PLXNC1: variants seen among roughly 807,000 people sequenced by gnomAD.
The protein encoded by PLXNC1 is plexin-C1.
PLXNC1 carries 75 observed loss-of-function variants against 178.2 expected under a neutral mutation model. That is an observed-to-expected ratio of 0.42 (90% CI 0.35 to 0.51). The LOEUF (loss-of-function observed/expected upper bound fraction) is 0.51. PLXNC1 is among the 20% of genes least tolerant of loss of function. The pLI, the probability that PLXNC1 is intolerant of heterozygous loss-of-function variation, is 0.02. For missense variants in PLXNC1, 1,503 were observed against 1,984.4 expected, an observed-to-expected ratio of 0.76 and a Z score of 4.61; for synonymous variants, 790 against 779.9, an observed-to-expected ratio of 1.01 and a Z score of -0.22.
Position 94,247,969 on chromosome 12 carries a change from C to T in PLXNC1, c.2455C>T (p.Arg819Cys), listed in dbSNP as rs773924211. Residue 819 changes from arginine (R) to cysteine (C), a missense_variant, in exon 13 of 31, where the codon CGC becomes TGC. Transcript: ENST00000258526. The part of the protein sequence containing the change: ...LAPSLKSSKV[R>C]TNVTVKLRVQ... Reference sequence around the variant, plus strand: ...CCCCAGTTTAAAGAGTTCAAAAGTGCGCACGAATGTCACTGTGAAGCTGAG... The same window carrying T: ...CCCCAGTTTAAAGAGTTCAAAAGTGTGCACGAATGTCACTGTGAAGCTGAG... 9.6e-5 allele frequency: 155 copies of T among 1,613,974 alleles called. No individual in the cohort carries two copies. Among genetic ancestry groups the T allele is most frequent in the Non-Finnish European group, 1.3e-4 (151 of 1,179,968 alleles).
intron 21 of PLXNC1, among the ~76,000 whole-genome samples, chr12:94,273,933 T>G (rs1297967453): frequency 1.3e-5 from 2 of 152,144 alleles, no homozygotes; most frequent in East Asian, 3.9e-4. Flanking sequence ...GTGTCAGAGC[T>G]CTGCGTCACC....
intron 2 of PLXNC1, among the ~76,000 whole-genome samples, chr12:94,174,124 C>T (rs1961958424): frequency 6.6e-6 from 1 of 152,208 alleles, no homozygotes; most frequent in Non-Finnish European, 1.5e-5. Flanking sequence ...TTCCTATGTG[C>T]TTGGGCTCAG....
intron 9 of PLXNC1, among the ~76,000 whole-genome samples, chr12:94,228,402 GTTTT>G (rs869126712): frequency 8.5e-5 from 12 of 141,490 alleles, no homozygotes; most frequent in Admixed American, 1.4e-4. Context: ...TTGTTTGTTT[GTTTT>G]TTCGTTTTGA....
chr12:94,183,848 T>A (rs147635420), intron 3 of PLXNC1, among the ~76,000 whole-genome samples: 2 of 152,316 alleles, frequency 1.3e-5, no homozygotes, highest in East Asian at 3.9e-4. Context: ...TGGTTAGCCC[T>A]GCATTCTTCA....
At chr12:94,203,823 TG>T (rs1565808259) in intron 4 of PLXNC1, among the ~76,000 whole-genome samples, 1 of 152,352 alleles carries the variant, frequency 6.6e-6, no homozygotes, top group East Asian at 1.9e-4. Flanking sequence ...AAGCGTGTGT[TG>T]GGAATTTAAT....
chr12:94,242,863 C>G (rs139518669), intron 11 of PLXNC1, among the ~76,000 whole-genome samples: 12 of 152,296 alleles, frequency 7.9e-5, no homozygotes, highest in African/African-American at 2.9e-4. Flanking sequence ...AGGGTTCAAA[C>G]AACTCACCCC....
intron 4 of PLXNC1, among the ~76,000 whole-genome samples, chr12:94,204,691 C>A (rs1014544903): frequency 1.3e-5 from 2 of 152,118 alleles, no homozygotes; most frequent in Non-Finnish European, 2.9e-5. Flanking sequence ...GAAAGTCCCC[C>A]GATTCTGGAG....
intron 2 of PLXNC1, among the ~76,000 whole-genome samples, chr12:94,178,120 T>G (rs561883282): frequency 3.2e-4 from 48 of 152,344 alleles, no homozygotes; most frequent in African/African-American, 1.2e-3. Context: ...GTTGTTCTAT[T>G]ATCTAGAGCA....
intron 4 of PLXNC1, among the ~76,000 whole-genome samples, chr12:94,187,611 A>G (rs3847812): frequency 0.37 from 56,551 of 151,998 alleles, 11,619 homozygotes; most frequent in East Asian, 0.59. Flanking sequence ...CACGAACGGG[A>G]TTTGTTTGTT....
In PLXNC1 at chr12:94,226,697, A is replaced by G. The variant is rs1215839317; in HGVS notation, c.1883A>G (p.Glu628Gly). 6.2e-7 allele frequency: 1 copy of G among 1,609,592 alleles called. No homozygotes were observed. Among genetic ancestry groups the G allele is most frequent in the Non-Finnish European group, 8.5e-7 (1 of 1,176,138 alleles). The stretch of plus-strand genomic sequence containing the variant: ...ACAGCTTGCGACCCTTCTGATTATG[A>G]GAGAAACCAGGTAAAGTGACATTTT... Reference protein sequence around the residue: ...PFTACDPSDYERNQEQCPVAV... With the variant: ...PFTACDPSDYGRNQEQCPVAV... Residue 628 changes from glutamate (E) to glycine (G), a missense_variant, in exon 8 of 31, where the codon GAG becomes GGG. Glu to Gly is a moderately conservative substitution (Grantham distance 98). Coordinates refer to ENST00000258526, the MANE Select transcript of PLXNC1 (RefSeq NM_005761.3).
At chr12:94,188,384 A>G (rs536756068) in intron 4 of PLXNC1, among the ~76,000 whole-genome samples, 40 of 140,050 alleles carry the variant, frequency 2.9e-4, no homozygotes, top group Middle Eastern at 3.8e-3. Flanking sequence ...GTGCAGTGGC[A>G]TGATCTTGGC....
chr12:94,238,674 A>G (rs1265501552), intron 10 of PLXNC1, among the ~76,000 whole-genome samples: 1 of 152,190 alleles, frequency 6.6e-6, no homozygotes, highest in Non-Finnish European at 1.5e-5. Flanking sequence ...CTGAAGCGTG[A>G]TGTTTTGATT....
rs767708332 is a variant in PLXNC1, at chr12:94,260,777, G to A, written c.3387G>A (p.Thr1129=). ...AGCCGAAACTCATGCTGAGACGCAC[G>A]GAGTCCGTCGTCGAAAAACTCCTCA... ...NMQPKLMLRR[T]ESVVEKLLTN... is the part of the protein sequence containing the mutation. The change falls in exon 20 of 31, where the codon ACG becomes ACA. Residue 1129 remains threonine (T), a synonymous_variant. Coordinates refer to ENST00000258526, the MANE Select transcript of PLXNC1 (RefSeq NM_005761.3). This position sits in a 1 kb window ranked among gnomAD's most constrained non-coding sequence, Gnocchi z 4.4. 3.7e-6 allele frequency: 6 copies of A among 1,614,200 alleles called. No individual in the cohort carries two copies. The highest frequency in any genetic ancestry group is 2.2e-5 in the East Asian group (1 of 44,884).
At chr12:94,207,683 C>T (rs1363531214) in intron 4 of PLXNC1, among the ~76,000 whole-genome samples, 2 of 152,092 alleles carry the variant, frequency 1.3e-5, no homozygotes, top group Non-Finnish European at 2.9e-5. Context: ...AGTTGTAATT[C>T]GAGGCAGCAT....
intron 4 of PLXNC1, among the ~76,000 whole-genome samples, chr12:94,194,727 C>T (rs1205985364): frequency 6.6e-6 from 1 of 151,882 alleles, no homozygotes; most frequent in Non-Finnish European, 1.5e-5. Context: ...GCACTCCAGC[C>T]TTGGTGACAG....
intron 4 of PLXNC1, among the ~76,000 whole-genome samples, chr12:94,206,921 T>C (rs1365621477): frequency 6.6e-6 from 1 of 152,140 alleles, no homozygotes; most frequent in African/African-American, 2.4e-5. Flanking sequence ...TTTATGCACT[T>C]GACCGTTGCT....
At chr12:94,302,288 C>T (rs964515726) in intron 28 of PLXNC1, among the ~76,000 whole-genome samples, 18 of 152,354 alleles carry the variant, frequency 1.2e-4, no homozygotes, top group Admixed American at 3.9e-4. Context: ...ACACCATGAA[C>T]TTGTTCTCAC....
intron 27 of PLXNC1, among the ~76,000 whole-genome samples, chr12:94,299,381 C>CT (rs1258597461): frequency 1.3e-5 from 2 of 152,158 alleles, no homozygotes; most frequent in African/African-American, 4.8e-5. Flanking sequence ...CTGGATAAGA[C>CT]TCAGAGTTAT....
intron 5 of PLXNC1, among the ~76,000 whole-genome samples, chr12:94,215,034 T>C (rs1288250633): frequency 6.6e-6 from 1 of 152,086 alleles, no homozygotes; most frequent in Admixed American, 6.5e-5. Flanking sequence ...GTAGCTGGGA[T>C]TACAGGTGCC....
Sources: gnomAD v4.1 joint callset for allele counts (sites outside exome capture counted in the v4.1 genomes callset) on GRCh38, gnomAD v4.1.1 for gene constraint, Gnocchi (gnomAD v3.1) non-coding constraint, MANE v1.5 for transcripts, NCBI Gene and HGNC (gene_info 2026-07-23, HGNC 2026-07-21) for gene names.